UBE2L5: variants seen among roughly 807,000 people sequenced by gnomAD.
The protein encoded by UBE2L5 is ubiquitin-conjugating enzyme E2 L5.
Under a neutral mutation model 10.0 loss-of-function variants are expected in UBE2L5, and 3 were observed. That is an observed-to-expected ratio of 0.30 (90% CI 0.14 to 0.78). The LOEUF is 0.78. UBE2L5 is among the 30% of genes least tolerant of loss of function. The pLI, the probability that UBE2L5 is intolerant of heterozygous loss-of-function variation, is 0.65. For missense variants in UBE2L5, 131 were observed against 193.3 expected, an observed-to-expected ratio of 0.68 and a Z score of 1.91; for synonymous variants, 60 against 71.9, an observed-to-expected ratio of 0.83 and a Z score of 0.83.
chr13:30,427,939 A>T lies in UBE2L5; in HGVS notation c.-52A>T. On this transcript the variant is annotated 5_prime_UTR_variant, in exon 4 of 4. Transcript: ENST00000635918. ...GAGTGTATACATACACAACCATTAA[A>T]AGTGGCCGTTACCACGATGCATTCT... 1 of 1,145,990 alleles carries T rather than the reference A, an allele frequency of 8.7e-7. No homozygotes were observed. Among genetic ancestry groups the T allele is most frequent in the Non-Finnish European group, 1.3e-6 (1 of 762,956 alleles). 71.0% of individuals were successfully genotyped at this position (1,145,990 alleles called of 1,614,324 possible). A position where few individuals can be genotyped will look rare whatever the true frequency, so the allele number is the denominator to read the frequency against.
At chr13:30,425,205 T>C (rs1019456838) in intron 2 of UBE2L5, among the ~76,000 whole-genome samples, 43 of 152,314 alleles carry the variant, frequency 2.8e-4, no homozygotes, top group African/African-American at 9.6e-4. Context: ...CCATCCTGGA[T>C]TGGCCACAGT....
At position 30,422,536 on chromosome 13, in the gene UBE2L5, T is replaced by C. The variant is rs1885478489; in HGVS notation, c.-920T>C. ...TCCGGGAGAGGGAAAGCTGTTCTCC[T>C]TTGATGCTCTTTGGTTTTACAGTGG... On this transcript the variant is annotated 5_prime_UTR_variant, in exon 1 of 4. Coordinates refer to ENST00000635918, the MANE Select transcript of UBE2L5 (RefSeq NM_001355247.2). The C allele has an allele frequency of 6.6e-6, 1 of 152,148 alleles. No individual in the cohort carries two copies. Among genetic ancestry groups the C allele is most frequent in the Non-Finnish European group, 1.5e-5 (1 of 68,014 alleles). 9.4% of individuals were successfully genotyped at this position (152,148 alleles called of 1,614,324 possible). A position where few individuals can be genotyped will look rare whatever the true frequency, so the allele number is the denominator to read the frequency against.
chr13:30,424,681 C>G (rs1335856284), intron 1 of UBE2L5, 127 bp from the exon 2 acceptor site: 2 of 152,198 alleles, frequency 1.3e-5, no homozygotes, highest in Non-Finnish European at 2.9e-5. Context: ...ATATATATGT[C>G]TGCTCAGAGT....
intron 1 of UBE2L5, among the ~76,000 whole-genome samples, chr13:30,423,035 T>G (rs2137357022): frequency 6.6e-6 from 1 of 152,328 alleles, no homozygotes; most frequent in African/African-American, 2.4e-5. Context: ...AATCATTAAA[T>G]AATAGCAATG....
rs1170906660 is a variant in UBE2L5, at chr13:30,422,694, T to G, written c.-779+17T>G. On this transcript the variant is annotated intron_variant, in intron 1 of 3. Transcript: ENST00000635918. ...GTCATCCCTGTAAGTGCCTTTTTAA[T>G]CCATTCACAAGGATGCTTGTGAGTC... 1.3e-5 allele frequency: 2 copies of G among 152,226 alleles called. No individual in the cohort carries two copies. Among genetic ancestry groups the G allele is most frequent in the African/African-American group, 4.8e-5 (2 of 41,452 alleles). 9.4% of individuals were successfully genotyped at this position (152,226 alleles called of 1,614,324 possible).
chr13:30,424,304 G>A (rs757601784), intron 1 of UBE2L5, among the ~76,000 whole-genome samples: 3 of 152,326 alleles, frequency 2.0e-5, no homozygotes, highest in East Asian at 1.9e-4. Context: ...CTTGGTCAAC[G>A]TATTAGGATT....
At chr13:30,427,301 TC>T (rs1273689248) in intron 3 of UBE2L5, 59 bp from the exon 4 acceptor site, 3 of 152,256 alleles carry the variant, frequency 2.0e-5, no homozygotes, top group African/African-American at 7.2e-5. Flanking sequence ...TTCATTATCT[TC>T]TTTGGCTCTC....
Position 30,428,656 on chromosome 13 carries a change from T to A in UBE2L5, c.*201T>A. 2 of 549,788 alleles carry A rather than the reference T, an allele frequency of 3.6e-6. No homozygotes were observed. Among genetic ancestry groups the A allele is most frequent in the Non-Finnish European group, 3.0e-6 (1 of 330,254 alleles). 34.1% of individuals were successfully genotyped at this position (549,788 alleles called of 1,614,324 possible). On this transcript the variant is annotated 3_prime_UTR_variant, in exon 4 of 4. Coordinates refer to ENST00000635918, the MANE Select transcript of UBE2L5 (RefSeq NM_001355247.2). ...AGAAAGGATTAAAAATTTAAGATGT[T>A]CTTAAAAAAAAAAAAAGTGGCCATT...
Position 30,428,600 on chromosome 13 carries a change from C to A in UBE2L5, c.*145C>A. 1.1e-6 allele frequency: 1 copy of A among 902,286 alleles called. No individual in the cohort carries two copies. The allele number at this position is 902,286 out of a possible 1,614,324, so 55.9% of individuals were successfully genotyped here. A position where few individuals can be genotyped will look rare whatever the true frequency, so the allele number is the denominator to read the frequency against. On this transcript the variant is annotated 3_prime_UTR_variant, in exon 4 of 4. Transcript: ENST00000635918. ...GCAGTTACTAACTTTCTACAGTTTT[C>A]TTAATTAAAAGTGGTCTAGGTAACC... is the stretch of plus-strand genomic sequence containing the variant.
At chr13:30,423,880 C>G (rs1389486227) in intron 1 of UBE2L5, among the ~76,000 whole-genome samples, 1 of 152,164 alleles carries the variant, frequency 6.6e-6, no homozygotes, top group African/African-American at 2.4e-5. Context: ...TGATGGAAAC[C>G]GTTTTCACTA....
intron 1 of UBE2L5, among the ~76,000 whole-genome samples, chr13:30,423,137 G>C (rs1165761269): frequency 4.2e-5 from 1 of 23,650 alleles, no homozygotes; most frequent in Non-Finnish European, 1.2e-4. Flanking sequence ...TTTTGTGCAT[G>C]TGTGTCAGAG....
Position 30,428,628 on chromosome 13 carries a change from T to C in UBE2L5, c.*173T>C. 3.1e-6 allele frequency: 2 copies of C among 641,062 alleles called. No homozygotes were observed. Among genetic ancestry groups the C allele is most frequent in the Admixed American group, 3.8e-5 (1 of 26,276 alleles). 39.7% of individuals were successfully genotyped at this position (641,062 alleles called of 1,614,324 possible). ...AATTAAAAGTGGTCTAGGTAACCTG[T>C]AAAGAAAGGATTAAAAATTTAAGAT... On this transcript the variant is annotated 3_prime_UTR_variant, in exon 4 of 4. Transcript: ENST00000635918.
intron 2 of UBE2L5, among the ~76,000 whole-genome samples, chr13:30,425,745 G>A (rs1256225103): frequency 1.3e-5 from 2 of 151,822 alleles, no homozygotes; most frequent in African/African-American, 2.4e-5. Context: ...TTTATAGGCC[G>A]GGCGTGGTGT....
chr13:30,428,317 A>G lies in UBE2L5; in HGVS notation c.327A>G (p.Ile109Met). ...CCGACCAAGTAATCCAGTCCCTCAT[A>G]GCACTGGTGAATGACCCGCAGCCCG... ...TKTDQVIQSL[I>M]ALVNDPQPEH... is the part of the protein sequence containing the mutation. The change falls in exon 4 of 4, where the codon ATA becomes ATG. Residue 109 changes from isoleucine (I) to methionine (M), a missense_variant. Transcript: ENST00000635918. 2 of 1,609,194 alleles carry G rather than the reference A, an allele frequency of 1.2e-6. No homozygotes were observed. The highest frequency in any genetic ancestry group is 8.5e-7 in the Non-Finnish European group (1 of 1,177,184).
intron 2 of UBE2L5, among the ~76,000 whole-genome samples, chr13:30,425,251 G>A (rs1478076661): frequency 6.6e-6 from 1 of 152,158 alleles, no homozygotes; most frequent in African/African-American, 2.4e-5. Flanking sequence ...AAAGAAATAG[G>A]CCCTGGTTGA....
chr13:30,426,172 G>T (rs868774277), intron 2 of UBE2L5, among the ~76,000 whole-genome samples: 1 of 151,048 alleles, frequency 6.6e-6, no homozygotes, highest in Non-Finnish European at 1.5e-5. Context: ...TTAGCCAGGC[G>T]TGGTGGTGGG....
chr13:30,425,458 C>A (rs1398851620), intron 2 of UBE2L5, among the ~76,000 whole-genome samples: 1 of 152,188 alleles, frequency 6.6e-6, no homozygotes, highest in Admixed American at 6.5e-5. Context: ...ATACAAAGCC[C>A]AGGGCCTGGC....
chr13:30,427,646 A>C lies in UBE2L5; in HGVS notation c.-345A>C, dbSNP rs1885557067. The C allele has an allele frequency of 4.0e-6, 1 of 247,204 alleles. No individual in the cohort carries two copies. Among genetic ancestry groups the C allele is most frequent in the Non-Finnish European group, 7.7e-6 (1 of 130,500 alleles). 15.3% of individuals were successfully genotyped at this position (247,204 alleles called of 1,614,324 possible). A position where few individuals can be genotyped will look rare whatever the true frequency, so the allele number is the denominator to read the frequency against. On this transcript the variant is annotated 5_prime_UTR_variant, in exon 4 of 4. Coordinates refer to ENST00000635918, the MANE Select transcript of UBE2L5 (RefSeq NM_001355247.2). ...GAAACCTCGTCTCTACTAAAAATAC[A>C]AAAAAAAGTTAGCTGTGCATGGTGG...
intron 1 of UBE2L5, among the ~76,000 whole-genome samples, chr13:30,423,629 CAT>C (rs1359244750): frequency 5.9e-5 from 9 of 152,110 alleles, no homozygotes; most frequent in African/African-American, 2.2e-4. Context: ...GCCGGGGAAT[CAT>C]ATATTTAAAA....
Sources: gnomAD v4.1 joint callset for allele counts (sites outside exome capture counted in the v4.1 genomes callset) on GRCh38, gnomAD v4.1.1 for gene constraint, MANE v1.5 for transcripts, NCBI Gene and HGNC (gene_info 2026-07-23, HGNC 2026-07-21) for gene names.